Variants in SHANK2 observed in about 807,000 individuals in gnomAD.
SHANK2 encodes SH3 and multiple ankyrin repeat domains 2.
In SHANK2, 43 loss-of-function variants were observed where a neutral mutation model predicts 133.7. The observed-to-expected ratio is 0.32, with a 90% CI of 0.25 to 0.41. The LOEUF (loss-of-function observed/expected upper bound fraction) is 0.41, where lower values mean the gene tolerates loss of function less well. SHANK2 is among the 10% of genes least tolerant of loss of function. The probability of loss-of-function intolerance (pLI) is 1.00; values close to 1 mark genes in which losing one functional copy is unlikely to be tolerated. For synonymous variants in SHANK2, 1,017 were observed against 952.8 expected (o/e 1.07, Z -1.24); for missense variants, 1,994 against 2,235.8 (o/e 0.89, Z 2.18).
At chr11:70,617,824 A>G (rs1044721180) in intron 17 of SHANK2, among the ~76,000 whole-genome samples, 1 of 151,924 alleles carries the variant, frequency 6.6e-6, no homozygotes, top group East Asian at 1.9e-4. Context: ...AACATCACAC[A>G]CCGGGGCCTG....
At chr11:70,565,918 T>TTTTA (rs1554981808) in intron 17 of SHANK2, among the ~76,000 whole-genome samples, 17 of 152,270 alleles carry the variant, frequency 1.1e-4, no homozygotes, top group African/African-American at 4.1e-4. Context: ...ACTGTATTAG[T>TTTTA]CTGTTTTCAC....
At chr11:70,736,897 G>A (rs1439961681) in intron 14 of SHANK2, among the ~76,000 whole-genome samples, 1 of 152,204 alleles carries the variant, frequency 6.6e-6, no homozygotes, top group African/African-American at 2.4e-5. Flanking sequence ...GCCAGGGACT[G>A]AACGTGAAAT....
At chr11:70,501,069 C>T (rs1406576655) in intron 20 of SHANK2, among the ~76,000 whole-genome samples, 1 of 147,504 alleles carries the variant, frequency 6.8e-6, no homozygotes, top group Non-Finnish European at 1.5e-5. Context: ...CCAGGACAGG[C>T]CTCTGTGGAG....
At chr11:70,680,178 A>T (rs1944996533) in intron 15 of SHANK2, among the ~76,000 whole-genome samples, 1 of 152,028 alleles carries the variant, frequency 6.6e-6, no homozygotes, top group African/African-American at 2.4e-5. Flanking sequence ...ACTCACAGCT[A>T]ATGTCGGCCA....
chr11:70,623,759 G>A (rs560673937), intron 17 of SHANK2, among the ~76,000 whole-genome samples: 1 of 152,354 alleles, frequency 6.6e-6, no homozygotes, highest in East Asian at 1.9e-4. Context: ...CAGTAGCTGT[G>A]TGTGGCCAGT....
chr11:70,879,423 C>T (rs969688565), intron 11 of SHANK2, among the ~76,000 whole-genome samples: 8 of 152,182 alleles, frequency 5.3e-5, no homozygotes, highest in Non-Finnish European at 8.8e-5. Context: ...AATTCGGGCT[C>T]AGCTCAAAAG....
At chr11:70,904,510 GT>G (rs11336653) in intron 10 of SHANK2, among the ~76,000 whole-genome samples, 87,740 of 136,214 alleles carry the variant, frequency 0.64, 30,681 homozygotes, top group Non-Finnish European at 0.77. Context: ...GATCTGATGG[GT>G]TTTTTTTTTT....
chr11:70,724,324 C>T (rs1196025150), intron 14 of SHANK2, among the ~76,000 whole-genome samples: 1 of 152,176 alleles, frequency 6.6e-6, no homozygotes, highest in African/African-American at 2.4e-5. Flanking sequence ...AAATGAGCCA[C>T]CGTGCCTGGC....
At chr11:70,870,273 C>A (rs1361177246) in intron 11 of SHANK2, among the ~76,000 whole-genome samples, 1 of 152,134 alleles carries the variant, frequency 6.6e-6, no homozygotes, top group Non-Finnish European at 1.5e-5. Flanking sequence ...TCCCCTCCTG[C>A]AGTCCATCTG....
chr11:71,214,848 T>G (rs1314936416), intron 2 of SHANK2, among the ~76,000 whole-genome samples: 2 of 152,226 alleles, frequency 1.3e-5, no homozygotes, highest in Admixed American at 6.5e-5. Context: ...GACCAGCAGG[T>G]GCTCGATGGG....
chr11:70,781,558 T>TATATATATATATATATA (rs1555045157), intron 14 of SHANK2, among the ~76,000 whole-genome samples: 2 of 28,970 alleles, frequency 6.9e-5, no homozygotes, highest in African/African-American at 1.0e-4. Context: ...TACTTACTTA[T>TATATATATATATATATA]TATATATATA....
Position 70,804,854 on chromosome 11 carries a change from G to A in SHANK2, c.1663+2148C>T, listed in dbSNP as rs1408224643. 1.3e-5 allele frequency among the ~76,000 whole-genome samples: 2 copies of A among 152,156 alleles called. No homozygotes were observed. The highest frequency in any genetic ancestry group is 4.8e-5 in the African/African-American group (2 of 41,430). The stretch of plus-strand genomic sequence containing the variant: ...TGGGAGACTCGGATCCACTGATGGG[G>A]CTCATCACCGGCTCCCCCTCTCCCT... On this transcript the variant is annotated intron_variant, in intron 13 of 25. Transcript: ENST00000601538. This position sits in a 1 kb window ranked among gnomAD's most constrained non-coding sequence, Gnocchi z 4.1.
chr11:70,620,159 G>A (rs2060809534), intron 17 of SHANK2, among the ~76,000 whole-genome samples: 1 of 152,086 alleles, frequency 6.6e-6, no homozygotes, highest in African/African-American at 2.4e-5. Flanking sequence ...CCATCCTGGT[G>A]GGGGTTAGGG....
chr11:71,166,086 G>A (rs1253894791), intron 2 of SHANK2, among the ~76,000 whole-genome samples: 8 of 152,216 alleles, frequency 5.3e-5, no homozygotes, highest in Non-Finnish European at 2.9e-5. Context: ...CCCTTCCCTT[G>A]AAGGAGGCTC....
At chr11:71,094,511 C>A in intron 7 of SHANK2, 26 bp downstream of exon 7, 1 of 1,543,120 alleles carries the variant, frequency 6.5e-7, no homozygotes, top group East Asian at 2.5e-5. Flanking sequence ...CGGGGTGGCA[C>A]CCAAGTAAGA....
At chr11:70,620,936 C>A (rs531723704) in intron 17 of SHANK2, among the ~76,000 whole-genome samples, 1 of 152,220 alleles carries the variant, frequency 6.6e-6, no homozygotes. Context: ...CCTGGTCTGT[C>A]GAACCTTATT....
At chr11:71,123,588 C>G in intron 3 of SHANK2, among the ~76,000 whole-genome samples, 1 of 152,258 alleles carries the variant, frequency 6.6e-6, no homozygotes, top group South Asian at 2.1e-4. Flanking sequence ...CTTAAGTGAC[C>G]CTTCCTGGTC....
At position 70,715,761 on chromosome 11, in the gene SHANK2, C is replaced by T. The variant is rs76169877; in HGVS notation, c.1778-16998G>A. On this transcript the variant is annotated intron_variant, in intron 14 of 25. Coordinates refer to ENST00000601538, the MANE Select transcript of SHANK2 (RefSeq NM_012309.5). ...GGAGTGTCCATGCCGAAGCAGGCTC[C>T]GTTTCCAGAATGGCTCTCTCTCCTC... Among the ~76,000 whole-genome samples the T allele has an allele frequency of 8.5e-3, 1,298 of 152,304 alleles. 12 individuals are homozygous for T. Among genetic ancestry groups the T allele is most frequent in the Middle Eastern group, 0.017 (5 of 294 alleles).
chr11:70,942,969 G>A (rs1950668748), intron 10 of SHANK2: 3 of 448,864 alleles, frequency 6.7e-6, no homozygotes, highest in South Asian at 1.6e-5. Context: ...GCACTTTAAA[G>A]TTTAGCTTGG....
Sources: allele counts gnomAD v4.1 joint callset (sites outside exome capture counted in the v4.1 genomes callset), GRCh38; gene constraint gnomAD v4.1.1; non-coding constraint Gnocchi (gnomAD v3.1); transcripts MANE v1.5; gene names NCBI Gene and HGNC (gene_info 2026-07-23, HGNC 2026-07-21).